The following CAST variants were observed in gnomAD, a reference collection of about 807,000 sequenced individuals.
CAST encodes calpastatin.
CAST carries 76 observed loss-of-function variants against 119.6 expected under a neutral mutation model. The observed-to-expected ratio is 0.64, with a 90% CI of 0.53 to 0.77. The LOEUF (loss-of-function observed/expected upper bound fraction) is 0.77, where lower values mean the gene tolerates loss of function less well. Among genes scored for constraint, CAST ranks in the 30% least tolerant of loss-of-function variants. The pLI, the probability that CAST is intolerant of heterozygous loss-of-function variation, is 0.00. For synonymous variants in CAST, 319 were observed against 331.6 expected (o/e 0.96, Z 0.41); for missense variants, 953 against 946.5 (o/e 1.01, Z -0.09).
the CAST span, among the ~76,000 whole-genome samples, chr5:96,283,907 G>A: frequency 6.6e-6 from 1 of 152,182 alleles, no homozygotes; most frequent in Non-Finnish European, 1.5e-5. Flanking sequence ...CTCAGCATTT[G>A]CAATGAAAGA....
the CAST span, among the ~76,000 whole-genome samples, chr5:96,198,414 C>T: frequency 6.6e-6 from 1 of 152,234 alleles, no homozygotes; most frequent in East Asian, 1.9e-4. Flanking sequence ...AATAGCTGCT[C>T]TCTGCTTCTC....
chr5:96,247,885 G>A, the CAST span: 1 of 152,216 alleles, frequency 6.6e-6, no homozygotes, highest in Admixed American at 6.5e-5. Context: ...GCTTTCCCAG[G>A]GAAGATGTTG....
At chr5:96,757,536 G>T (rs1425584565) in intron 23 of CAST, 42 bp downstream of exon 23, 1 of 1,611,748 alleles carries the variant, frequency 6.2e-7, no homozygotes, top group Non-Finnish European at 8.5e-7. Flanking sequence ...TTTCCTTTTG[G>T]CCCTGATTGC....
the CAST span, among the ~76,000 whole-genome samples, chr5:96,118,817 CT>C: frequency 4.6e-3 from 658 of 144,334 alleles, 6 homozygotes; most frequent in African/African-American, 0.012. Flanking sequence ...TTTCAGCATA[CT>C]TTTTTTTTTT....
chr5:96,426,545 G>A, the CAST span, among the ~76,000 whole-genome samples: 1 of 152,134 alleles, frequency 6.6e-6, no homozygotes, highest in Admixed American at 6.5e-5. Flanking sequence ...CATTAATTCA[G>A]TCTCATGTAT....
chr5:96,265,436 G>A, the CAST span, among the ~76,000 whole-genome samples: 3 of 152,262 alleles, frequency 2.0e-5, no homozygotes, highest in Middle Eastern at 3.4e-3. Context: ...CGAGAGCCAT[G>A]GGGTAGAGGT....
At position 96,722,549 on chromosome 5, in the gene CAST, C is replaced by G. The variant is rs553470838; in HGVS notation, c.211-90C>G. 9.2e-6 allele frequency: 9 copies of G among 973,956 alleles called. No homozygotes were observed. In the Admixed American group the frequency reaches 1.4e-4, roughly 16 times the overall value. 60.3% of individuals were successfully genotyped at this position (973,956 alleles called of 1,614,324 possible). The stretch of plus-strand genomic sequence containing the variant: ...ACTGGGTAAAACCAAGGTAAAGGGC[C>G]AAGGGCAGTATGGTTAAGAGGAGCT... On this transcript the variant is annotated intron_variant, in intron 3 of 31. Coordinates refer to ENST00000675179, the MANE Select transcript of CAST (RefSeq NM_001750.7).
chr5:96,742,760 C>A lies in CAST; in HGVS notation c.1200+4C>A. On this transcript the variant is annotated splice_donor_region_variant and intron_variant, in intron 16 of 31. Coordinates refer to ENST00000675179, the MANE Select transcript of CAST (RefSeq NM_001750.7). Reference sequence around the variant, plus strand: ...CTCAATTAAGGAAGTCGATGAGGTACTGACCTTAGAGTTGATTTACAAAGC... The same window carrying A: ...CTCAATTAAGGAAGTCGATGAGGTAATGACCTTAGAGTTGATTTACAAAGC... The A allele has an allele frequency of 6.2e-7, 1 of 1,603,704 alleles. No individual in the cohort carries two copies. The highest frequency in any genetic ancestry group is 8.5e-7 in the Non-Finnish European group (1 of 1,170,676).
At chr5:96,355,277 G>A in the CAST span, among the ~76,000 whole-genome samples, 10 of 151,774 alleles carry the variant, frequency 6.6e-5, no homozygotes, top group Non-Finnish European at 1.0e-4. Context: ...GAGAACATGC[G>A]GTGTTTGTTT....
chr5:96,124,662 T>G, the CAST span, among the ~76,000 whole-genome samples: 1 of 152,174 alleles, frequency 6.6e-6, no homozygotes, highest in Non-Finnish European at 1.5e-5. Context: ...GTTATAGTCA[T>G]AGGATGAGCT....
At chr5:96,741,602 C>T (rs372014307) in intron 15 of CAST, 22 bp downstream of exon 15, 2 of 1,536,802 alleles carry the variant, frequency 1.3e-6, no homozygotes, top group East Asian at 4.5e-5. Flanking sequence ...GTCTACCTGA[C>T]AGCAGTTGCT....
At chr5:96,440,785 A>G in the CAST span, among the ~76,000 whole-genome samples, 1 of 152,242 alleles carries the variant, frequency 6.6e-6, no homozygotes, top group Non-Finnish European at 1.5e-5. Context: ...TCCAGCATCT[A>G]CTTTCCTAGT....
chr5:96,657,280 G>T (rs1748177774), upstream of CAST, among the ~76,000 whole-genome samples: 1 of 152,220 alleles, frequency 6.6e-6, no homozygotes. Context: ...GAGTCACCAT[G>T]ATGACCAACT....
the CAST span, among the ~76,000 whole-genome samples, chr5:96,396,662 A>G: frequency 6.6e-6 from 1 of 152,170 alleles, no homozygotes; most frequent in South Asian, 2.1e-4. Flanking sequence ...TTATTCATTT[A>G]TATTCTCACC....
At chr5:96,263,952 C>T in the CAST span, among the ~76,000 whole-genome samples, 1 of 152,164 alleles carries the variant, frequency 6.6e-6, no homozygotes, top group Non-Finnish European at 1.5e-5. Flanking sequence ...AAAAACCACC[C>T]CCATGATCCA....
At chr5:96,243,147 A>T in the CAST span, among the ~76,000 whole-genome samples, 2 of 151,576 alleles carry the variant, frequency 1.3e-5, no homozygotes, top group South Asian at 4.2e-4. Context: ...ACTTCCCATT[A>T]TAATAGTATG....
the CAST span, among the ~76,000 whole-genome samples, chr5:96,255,771 T>C: frequency 1.3e-5 from 2 of 152,146 alleles, no homozygotes; most frequent in African/African-American, 2.4e-5. Context: ...TCTCACAAGT[T>C]TGATGCTCAT....
intron 9 of CAST, among the ~76,000 whole-genome samples, chr5:96,732,119 A>G (rs1760652422): frequency 1.4e-5 from 2 of 139,804 alleles, no homozygotes; most frequent in African/African-American, 2.7e-5. Context: ...AGTCCCACCA[A>G]CAGTGTAAAA....
the CAST span, among the ~76,000 whole-genome samples, chr5:96,307,575 T>A: frequency 1.3e-5 from 2 of 152,232 alleles, no homozygotes; most frequent in African/African-American, 4.8e-5. Flanking sequence ...GGCATGTTTG[T>A]GCAGTGGCTG....
Sources: gnomAD v4.1 joint callset for allele counts (sites outside exome capture counted in the v4.1 genomes callset) on GRCh38, gnomAD v4.1.1 for gene constraint, MANE v1.5 for transcripts, NCBI Gene and HGNC (gene_info 2026-07-23, HGNC 2026-07-21) for gene names.